Variants in FHIT observed in about 807,000 individuals in gnomAD.
FHIT encodes the protein fragile histidine triad diadenosine triphosphatase, also known as bis(5'-adenosyl)-triphosphatase.
A neutral mutation model predicts 17.9 loss-of-function variants in FHIT; 19 were observed. The ratio of observed to expected loss-of-function variants is 1.06; its 90% CI spans 0.74 to 1.56. FHIT has a LOEUF of 1.56. Ranked by LOEUF, FHIT falls within the 40% of genes most tolerant of loss-of-function variation. The pLI, the probability that FHIT is intolerant of heterozygous loss-of-function variation, is 0.00. For missense variants in FHIT, 248 were observed against 189.2 expected (o/e 1.31, Z -1.82); for synonymous variants, 81 against 69.7 (o/e 1.16, Z -0.81).
In FHIT at chr3:60,864,538, G is replaced by A. The variant is rs75303380; in HGVS notation, c.-110-42527C>T. The stretch of plus-strand genomic sequence containing the variant: ...CAGTAGAAGAAACTGCATTGGTAAA[G>A]CCAGAGATTCAGGAAGAAGGTGGAT... On this transcript the variant is annotated intron_variant, in intron 3 of 9. Coordinates refer to ENST00000492590, the MANE Select transcript of FHIT (RefSeq NM_002012.4). Among the ~76,000 whole-genome samples, 90 of 152,226 alleles carry A rather than the reference G, an allele frequency of 5.9e-4. 1 individual carries two copies. The East Asian group carries it at 0.015, about 26-fold the overall frequency.
At chr3:60,110,226 A>C (rs989031182) in intron 5 of FHIT, among the ~76,000 whole-genome samples, 4 of 152,204 alleles carry the variant, frequency 2.6e-5, no homozygotes, top group Non-Finnish European at 5.9e-5. Flanking sequence ...TGGGTTAAGC[A>C]TCAGGACATT....
At chr3:60,569,758 T>A (rs1357306235) in intron 4 of FHIT, among the ~76,000 whole-genome samples, 209 of 126,638 alleles carry the variant, frequency 1.7e-3, no homozygotes, top group Non-Finnish European at 2.3e-3. Flanking sequence ...TATATATATT[T>A]TTTTTTTTTT....
chr3:60,668,554 CTTTTTTTTT>C (rs71092627), intron 4 of FHIT, among the ~76,000 whole-genome samples: 73 of 54,848 alleles, frequency 1.3e-3, no homozygotes, highest in African/African-American at 4.4e-3. Context: ...CCAGCTCATT[CTTTTTTTTT>C]TTTTTTTTTT....
intron 5 of FHIT, among the ~76,000 whole-genome samples, chr3:60,144,808 C>G (rs1425729785): frequency 3.9e-5 from 6 of 152,096 alleles, no homozygotes; most frequent in Admixed American, 2.6e-4. Context: ...AGTCACCCTA[C>G]CATGCAATAA....
intron 3 of FHIT, among the ~76,000 whole-genome samples, chr3:60,998,846 C>T (rs2030860533): frequency 6.6e-6 from 1 of 151,600 alleles, no homozygotes; most frequent in Non-Finnish European, 1.5e-5. Context: ...AGAAGGTAGA[C>T]TTATTTAAGT....
chr3:61,183,200 A>T (rs1009851984), intron 2 of FHIT, among the ~76,000 whole-genome samples: 3 of 152,196 alleles, frequency 2.0e-5, no homozygotes, highest in African/African-American at 7.2e-5. Flanking sequence ...CCTTCTCTCC[A>T]ATCAGATTCT....
chr3:59,872,006 G>C (rs1702948105), intron 8 of FHIT, among the ~76,000 whole-genome samples: 1 of 152,178 alleles, frequency 6.6e-6, no homozygotes, highest in South Asian at 2.1e-4. Flanking sequence ...AGTTTCCAAA[G>C]ATTAGATGTA....
intron 5 of FHIT, among the ~76,000 whole-genome samples, chr3:60,109,226 G>C (rs1704564150): frequency 6.6e-6 from 1 of 152,106 alleles, no homozygotes; most frequent in Non-Finnish European, 1.5e-5. Context: ...ATTAAAATGG[G>C]CCTGATTTTC....
intron 4 of FHIT, among the ~76,000 whole-genome samples, chr3:60,561,280 A>G (rs907646900): frequency 5.9e-5 from 9 of 152,128 alleles, no homozygotes; most frequent in South Asian, 2.1e-4. Context: ...AACAAAGTCA[A>G]TACTCAAGGT....
At chr3:60,080,403 G>A (rs1359802441) in intron 5 of FHIT, among the ~76,000 whole-genome samples, 1 of 152,014 alleles carries the variant, frequency 6.6e-6, no homozygotes, top group East Asian at 1.9e-4. Context: ...AGTTTTAGAT[G>A]GACAGTCCCA....
intron 4 of FHIT, among the ~76,000 whole-genome samples, chr3:60,752,593 C>G (rs1553717131): frequency 1.3e-5 from 2 of 152,170 alleles, no homozygotes; most frequent in African/African-American, 2.4e-5. Context: ...AATTCGAACC[C>G]ACAACCCTGG....
At chr3:60,197,306 A>T (rs1702692958) in intron 5 of FHIT, among the ~76,000 whole-genome samples, 1 of 152,190 alleles carries the variant, frequency 6.6e-6, no homozygotes. Context: ...ATAGCATTAA[A>T]AAAAAAGAAA....
chr3:60,410,764 C>A (rs979438808), intron 5 of FHIT, among the ~76,000 whole-genome samples: 3 of 152,020 alleles, frequency 2.0e-5, no homozygotes, highest in African/African-American at 7.2e-5. Flanking sequence ...GGATTCAAGA[C>A]CCTAAAATTA....
At chr3:60,162,849 A>G (rs1448070260) in intron 5 of FHIT, among the ~76,000 whole-genome samples, 2 of 152,174 alleles carry the variant, frequency 1.3e-5, no homozygotes, top group African/African-American at 4.8e-5. Flanking sequence ...GACCTGGATT[A>G]TAATTGGAAT....
intron 3 of FHIT, among the ~76,000 whole-genome samples, chr3:60,879,876 A>G (rs1553757500): frequency 6.6e-6 from 1 of 151,936 alleles, no homozygotes; most frequent in Non-Finnish European, 1.5e-5. Flanking sequence ...AGTTTTTAAA[A>G]AAGACTACAA....
At chr3:60,811,333 T>C (rs1412223036) in intron 4 of FHIT, among the ~76,000 whole-genome samples, 38 of 152,198 alleles carry the variant, frequency 2.5e-4, no homozygotes, top group African/African-American at 6.5e-4. Flanking sequence ...ATTACACCTG[T>C]TTTTATAAAA....
chr3:60,183,059 A>C (rs1702009650), intron 5 of FHIT, among the ~76,000 whole-genome samples: 1 of 152,142 alleles, frequency 6.6e-6, no homozygotes, highest in African/African-American at 2.4e-5. Context: ...CTTCTGAATA[A>C]AGTATCACCT....
rs370725034 is a variant in FHIT at position 60,263,152 on chromosome 3, C to T, written c.104-249000G>A. On this transcript the variant is annotated intron_variant, in intron 5 of 9. Transcript: ENST00000492590. Reference sequence around the variant, plus strand: ...AAATTAAAACCCAAATGAGATACTGCTACACAGCTAAATAGAATGGCTGAA... The same window carrying T: ...AAATTAAAACCCAAATGAGATACTGTTACACAGCTAAATAGAATGGCTGAA... Among the ~76,000 whole-genome samples, 5 of 151,974 alleles carry T rather than the reference C, an allele frequency of 3.3e-5. No homozygotes were observed. The East Asian group carries it at 9.7e-4, about 29-fold the overall frequency.
intron 8 of FHIT, among the ~76,000 whole-genome samples, chr3:59,904,227 T>TA (rs10691217): frequency 0.26 from 34,277 of 132,116 alleles, 4,639 homozygotes; most frequent in African/African-American, 0.37. Context: ...AAATCATGGT[T>TA]AAAAAAAAAA....
Sources: gnomAD v4.1 joint callset for allele counts (sites outside exome capture counted in the v4.1 genomes callset) on GRCh38, gnomAD v4.1.1 for gene constraint, MANE v1.5 for transcripts, NCBI Gene and HGNC (gene_info 2026-07-23, HGNC 2026-07-21) for gene names.